Variants in COL19A1 observed in about 807,000 individuals in gnomAD.
COL19A1 encodes collagen type XIX alpha 1 chain.
In COL19A1, 159 loss-of-function variants were observed where a neutral mutation model predicts 190.2. The observed-to-expected ratio is 0.84, with a 90% confidence interval of 0.73 to 0.95. COL19A1 has a LOEUF of 0.95. COL19A1 is among the 40% of genes least tolerant of loss of function. The probability of loss-of-function intolerance (pLI) is 0.00; values close to 1 mark genes in which losing one functional copy is unlikely to be tolerated. For synonymous variants in COL19A1, 509 were observed against 458.9 expected, an observed-to-expected ratio of 1.11 and a Z score of -1.39; for missense variants, 1,418 against 1,431.9, an observed-to-expected ratio of 0.99 and a Z score of 0.16.
intron 9 of COL19A1, among the ~76,000 whole-genome samples, chr6:69,958,900 A>G (rs1774595088): frequency 6.6e-6 from 1 of 152,202 alleles, no homozygotes; most frequent in South Asian, 2.1e-4. Flanking sequence ...TTTTGCTTAA[A>G]TAATTCAAAT....
chr6:70,029,330 T>C (rs910528715), intron 12 of COL19A1, among the ~76,000 whole-genome samples: 3 of 152,172 alleles, frequency 2.0e-5, no homozygotes, highest in Admixed American at 2.0e-4. Flanking sequence ...TCTACCCGCT[T>C]TTATAATTCT....
intron 9 of COL19A1, among the ~76,000 whole-genome samples, chr6:69,939,585 T>G (rs1315053342): frequency 6.6e-6 from 1 of 152,120 alleles, no homozygotes; most frequent in Non-Finnish European, 1.5e-5. Flanking sequence ...CAGTATTATG[T>G]ATCTGTGTTC....
intron 11 of COL19A1, among the ~76,000 whole-genome samples, chr6:69,964,512 A>G (rs561801503): frequency 6.6e-5 from 10 of 152,284 alleles, no homozygotes; most frequent in Admixed American, 3.9e-4. Context: ...CCAATACACT[A>G]AAGTCTTAGT....
In COL19A1 at chr6:70,171,976, G is replaced by A. The variant is rs573312431; in HGVS notation, c.2581G>A (p.Ala861Thr). Residue 861 changes from alanine (A) to threonine (T), a missense_variant, in exon 41 of 51, where the codon GCA becomes ACA. Coordinates refer to ENST00000620364, the MANE Select transcript of COL19A1 (RefSeq NM_001858.6). ...TCATATTTAACAGGGAGAGCCTGGT[G>A]CAATGGGGTTGCCAGGATTAGAAGG... is the stretch of plus-strand genomic sequence containing the variant. The part of the protein sequence containing the change: ...GDPGPVGEPG[A>T]MGLPGLEGFP... 8 of 1,612,298 alleles carry A rather than the reference G, an allele frequency of 5.0e-6. No individual in the cohort carries two copies. Among genetic ancestry groups the A allele is most frequent in the Non-Finnish European group, 6.8e-6 (8 of 1,179,372 alleles).
intron 17 of COL19A1, among the ~76,000 whole-genome samples, chr6:70,124,445 A>G (rs1276349588): frequency 6.6e-6 from 1 of 152,042 alleles, no homozygotes; most frequent in East Asian, 1.9e-4. Context: ...TTCTCTATAC[A>G]GTTTATCTTG....
chr6:70,003,840 G>T lies in COL19A1; in HGVS notation c.1027-19787G>T, dbSNP rs1206128683. Reference sequence around the variant, plus strand: ...GACTCTATCCAATTTGCCAGTCTGTGTCTTTTAATTAGGTCATTTAGCCCC... The same window carrying T: ...GACTCTATCCAATTTGCCAGTCTGTTTCTTTTAATTAGGTCATTTAGCCCC... On this transcript the variant is annotated intron_variant, in intron 11 of 50. Transcript: ENST00000620364. 2.6e-5 allele frequency among the ~76,000 whole-genome samples: 4 copies of T among 152,254 alleles called. No homozygotes were observed. In the East Asian group the frequency reaches 7.7e-4, roughly 29 times the overall value.
intron 4 of COL19A1, among the ~76,000 whole-genome samples, chr6:69,921,132 C>CATAT (rs1491377548): frequency 2.5e-4 from 29 of 114,698 alleles, no homozygotes; most frequent in African/African-American, 8.7e-4. Context: ...ACATATGTAT[C>CATAT]ACATATATAT....
chr6:69,877,165 G>T (rs2487438), intron 1 of COL19A1, among the ~76,000 whole-genome samples: 15,668 of 152,154 alleles, frequency 0.1, 874 homozygotes, highest in Middle Eastern at 0.14. Flanking sequence ...CAAGTGATAT[G>T]ACATTTATTT....
At chr6:70,000,025 C>G (rs537255855) in intron 11 of COL19A1, among the ~76,000 whole-genome samples, 1 of 152,232 alleles carries the variant, frequency 6.6e-6, no homozygotes, top group African/African-American at 2.4e-5. Context: ...CCCTCCATCC[C>G]TCAACAGCCC....
intron 2 of COL19A1, among the ~76,000 whole-genome samples, chr6:69,884,796 G>T (rs188666409): frequency 6.6e-6 from 1 of 151,398 alleles, no homozygotes; most frequent in Non-Finnish European, 1.5e-5. Context: ...TTCTTTGTAG[G>T]TAATCTAGAT....
intron 27 of COL19A1, among the ~76,000 whole-genome samples, chr6:70,148,972 G>A (rs1462628921): frequency 2.0e-5 from 3 of 151,608 alleles, no homozygotes; most frequent in African/African-American, 4.8e-5. Flanking sequence ...GATGGTGGTT[G>A]AGGAAAAAAT....
chr6:70,170,934 A>G (rs950293438), intron 40 of COL19A1, among the ~76,000 whole-genome samples: 5 of 152,198 alleles, frequency 3.3e-5, no homozygotes, highest in Non-Finnish European at 5.9e-5. Flanking sequence ...CTTTGTGATT[A>G]TGTCTAAAGC....
At chr6:70,045,998 T>C (rs1287555257) in intron 14 of COL19A1, among the ~76,000 whole-genome samples, 1 of 152,204 alleles carries the variant, frequency 6.6e-6, no homozygotes. Flanking sequence ...TCAGTATTTA[T>C]AGTTGCTATC....
intron 34 of COL19A1, among the ~76,000 whole-genome samples, chr6:70,159,756 T>G (rs1372064097): frequency 6.6e-6 from 1 of 152,102 alleles, no homozygotes; most frequent in Non-Finnish European, 1.5e-5. Context: ...TCATCTAATA[T>G]TTATAAAGTA....
chr6:70,004,702 G>A (rs1284799083), intron 11 of COL19A1, among the ~76,000 whole-genome samples: 2 of 152,100 alleles, frequency 1.3e-5, no homozygotes, highest in East Asian at 1.9e-4. Context: ...CTATTGCTAT[G>A]CTTTTCAGCT....
chr6:70,075,640 C>G (rs916844278), intron 15 of COL19A1, among the ~76,000 whole-genome samples: 2 of 152,102 alleles, frequency 1.3e-5, no homozygotes, highest in African/African-American at 4.8e-5. Context: ...ACAGGCCATC[C>G]CTTAGATAAG....
chr6:70,195,050 C>T (rs1767104842), intron 48 of COL19A1, among the ~76,000 whole-genome samples: 1 of 148,456 alleles, frequency 6.7e-6, no homozygotes, highest in Non-Finnish European at 1.5e-5. Flanking sequence ...TCTTTTCTTA[C>T]CTCTCTACAA....
chr6:69,997,026 T>TATATATAG (rs576813975), intron 11 of COL19A1, among the ~76,000 whole-genome samples: 18 of 146,976 alleles, frequency 1.2e-4, no homozygotes, highest in Middle Eastern at 7.1e-3. Flanking sequence ...TATATATATA[T>TATATATAG]AGAGAGAGAG....
intron 4 of COL19A1, among the ~76,000 whole-genome samples, chr6:69,924,551 C>T (rs1023380161): frequency 2.5e-4 from 38 of 152,142 alleles, no homozygotes; most frequent in African/African-American, 8.4e-4. Context: ...TGAATAGTGC[C>T]GCAATAAACA....
Sources: allele counts gnomAD v4.1 joint callset (sites outside exome capture counted in the v4.1 genomes callset), GRCh38; gene constraint gnomAD v4.1.1; transcripts MANE v1.5; gene names NCBI Gene and HGNC (gene_info 2026-07-23, HGNC 2026-07-21).